MBOAT2: variants seen among roughly 807,000 people sequenced by gnomAD.
MBOAT2 encodes membrane bound glycerophospholipid O-acyltransferase 2.
A neutral mutation model predicts 63.4 loss-of-function variants in MBOAT2; 28 were observed. The ratio of observed to expected loss-of-function variants is 0.44; its 90% CI spans 0.33 to 0.61. MBOAT2 has a LOEUF of 0.61. Among genes scored for constraint, MBOAT2 ranks in the 20% least tolerant of loss-of-function variants. MBOAT2 has a pLI of 0.03. For synonymous variants in MBOAT2, 211 were observed against 215.6 expected, an observed-to-expected ratio of 0.98 and a Z score of 0.19; for missense variants, 470 against 605.8, an observed-to-expected ratio of 0.78 and a Z score of 2.35.
intron 5 of MBOAT2, among the ~76,000 whole-genome samples, chr2:8,885,193 G>A (rs1247925977): frequency 6.6e-6 from 1 of 152,176 alleles, no homozygotes; most frequent in Non-Finnish European, 1.5e-5. Context: ...TCATTTTCAT[G>A]TAAATTCGGA....
At chr2:8,900,050 T>C (rs910079259) in intron 4 of MBOAT2, among the ~76,000 whole-genome samples, 1 of 152,162 alleles carries the variant, frequency 6.6e-6, no homozygotes, top group African/African-American at 2.4e-5. Context: ...CCATAGCTGT[T>C]CAAGGAAGGC....
At chr2:8,879,439 AGTAACT>A (rs1161632967) in intron 6 of MBOAT2, among the ~76,000 whole-genome samples, 1 of 152,246 alleles carries the variant, frequency 6.6e-6, no homozygotes, top group African/African-American at 2.4e-5. Flanking sequence ...TACCGAAGTA[AGTAACT>A]GTATTTATTT....
intron 4 of MBOAT2, among the ~76,000 whole-genome samples, chr2:8,892,018 A>T (rs989476036): frequency 6.6e-6 from 1 of 152,256 alleles, no homozygotes; most frequent in African/African-American, 2.4e-5. Flanking sequence ...AAAGGATGAA[A>T]AAGTTAAAAA....
chr2:8,946,779 T>A (rs1668446750), intron 2 of MBOAT2, among the ~76,000 whole-genome samples: 1 of 152,234 alleles, frequency 6.6e-6, no homozygotes, highest in African/African-American at 2.4e-5. Context: ...GTTAGGTGTG[T>A]TCTGACTGCT....
chr2:8,998,288 G>A (rs1455379469), intron 1 of MBOAT2, among the ~76,000 whole-genome samples: 1 of 152,234 alleles, frequency 6.6e-6, no homozygotes, highest in Non-Finnish European at 1.5e-5. Context: ...TCATGATGAA[G>A]ACTAATGCTC....
At chr2:8,918,880 C>T (rs1352556572) in intron 3 of MBOAT2, among the ~76,000 whole-genome samples, 1 of 152,168 alleles carries the variant, frequency 6.6e-6, no homozygotes, top group Non-Finnish European at 1.5e-5. Context: ...GACCGCTGCC[C>T]CAAGAGTTCC....
intron 3 of MBOAT2, among the ~76,000 whole-genome samples, chr2:8,939,585 T>G (rs1667904852): frequency 6.6e-6 from 1 of 152,050 alleles, no homozygotes; most frequent in South Asian, 2.1e-4. Context: ...AGAGACACAG[T>G]CAGGCCAAAG....
intron 3 of MBOAT2, among the ~76,000 whole-genome samples, chr2:8,941,327 T>A (rs912419435): frequency 1.3e-5 from 2 of 152,178 alleles, no homozygotes; most frequent in African/African-American, 4.8e-5. Context: ...CAGTAGCATA[T>A]AAGCAAGTAG....
chr2:8,955,740 T>C (rs1669167302), intron 2 of MBOAT2, among the ~76,000 whole-genome samples: 1 of 152,248 alleles, frequency 6.6e-6, no homozygotes, highest in Non-Finnish European at 1.5e-5. Flanking sequence ...CAGCATCACA[T>C]GCTACAGAGA....
chr2:8,893,240 C>T (rs778770768), intron 4 of MBOAT2, among the ~76,000 whole-genome samples: 32 of 152,016 alleles, frequency 2.1e-4, no homozygotes, highest in Non-Finnish European at 3.5e-4. Context: ...GGTTTCATAC[C>T]TGGAACCACC....
At position 8,896,357 on chromosome 2, in the gene MBOAT2, T is replaced by G. The variant is rs185426109; in HGVS notation, c.396-8284A>C. ...TGACTGGTTAGTGTAAAAACAACAC[T>G]CTTCCCCTAAGAAGGTGCACAGTCC... On this transcript the variant is annotated intron_variant, in intron 4 of 12. Coordinates refer to ENST00000305997, the MANE Select transcript of MBOAT2 (RefSeq NM_138799.4). 3.4e-3 allele frequency among the ~76,000 whole-genome samples: 517 copies of G among 151,140 alleles called. 1 individual carries two copies. The highest frequency in any genetic ancestry group is 0.012 in the African/African-American group (481 of 41,164).
chr2:8,877,213 C>T lies in MBOAT2; in HGVS notation c.507G>A (p.Arg169=). 6.2e-7 allele frequency: 1 copy of T among 1,608,270 alleles called. No individual in the cohort carries two copies. Among genetic ancestry groups the T allele is most frequent in the Non-Finnish European group, 8.5e-7 (1 of 1,177,776 alleles). ...LTSSQRDLAV[R]RMPSLLEYLS... ...AATACTCCAGTAAGCTTGGCATGCG[C>T]CTGCAATGAAAAGACATGCAACCAG... Residue 169 remains arginine (R), a splice_region_variant and synonymous_variant, in exon 7 of 13, where the codon AGG becomes AGA. Transcript: ENST00000305997.
intron 3 of MBOAT2, among the ~76,000 whole-genome samples, chr2:8,918,225 C>T (rs2148604530): frequency 6.6e-6 from 1 of 152,296 alleles, no homozygotes; most frequent in Non-Finnish European, 1.5e-5. Flanking sequence ...TTAAATAAAA[C>T]TGATTAAGAA....
chr2:8,889,193 C>T (rs1663798360), intron 4 of MBOAT2, among the ~76,000 whole-genome samples: 1 of 152,226 alleles, frequency 6.6e-6, no homozygotes, highest in Non-Finnish European at 1.5e-5. Context: ...TTCTGACCTG[C>T]TCTCTTCCAG....
chr2:8,942,196 G>A (rs1200792938), intron 3 of MBOAT2, among the ~76,000 whole-genome samples: 2 of 152,140 alleles, frequency 1.3e-5, no homozygotes, highest in African/African-American at 2.4e-5. Context: ...TTACAACAGA[G>A]GTAGCGACTG....
chr2:8,944,775 T>C (rs1240252320), intron 2 of MBOAT2, among the ~76,000 whole-genome samples: 4 of 152,080 alleles, frequency 2.6e-5, no homozygotes, highest in African/African-American at 9.7e-5. Flanking sequence ...AGAAAGCTTT[T>C]TTAAAAAACA....
intron 4 of MBOAT2, among the ~76,000 whole-genome samples, chr2:8,891,307 G>T (rs1663979057): frequency 2.0e-5 from 3 of 152,236 alleles, no homozygotes; most frequent in Admixed American, 1.3e-4. Context: ...GAAAAGTTCA[G>T]TAAGGGATGA....
At chr2:8,963,563 A>T (rs1160431653) in intron 1 of MBOAT2, among the ~76,000 whole-genome samples, 2 of 152,190 alleles carry the variant, frequency 1.3e-5, no homozygotes, top group African/African-American at 2.4e-5. Flanking sequence ...TTGGCCTCCC[A>T]AAGTGCTGGG....
Position 8,858,852 on chromosome 2 carries a change from G to T in MBOAT2, c.1390C>A (p.Pro464Thr). Reference sequence around the variant, plus strand: ...TTTCTTCTTTGAGTTTTTTTCACTGGCAACAACAATAATACTAAGATACCA... The same window carrying T: ...TTTCTTCTTTGAGTTTTTTTCACTGTCAACAACAATAATACTAAGATACCA... ...ILGILVLLLLPVKKTQRRKNT... is the reference protein window; with the variant it reads ...ILGILVLLLLTVKKTQRRKNT... The change falls in exon 13 of 13, where the codon CCA becomes ACA. Residue 464 changes from proline to threonine, a missense_variant. Physicochemically the swap from Pro to Thr is conservative, Grantham distance 38. This residue lies in a region of MBOAT2 where 90 missense variants were observed against 84.9 expected (regional missense o/e 1.06). Transcript: ENST00000305997. 6.2e-7 allele frequency: 1 copy of T among 1,613,318 alleles called. No homozygotes were observed. Among genetic ancestry groups the T allele is most frequent in the Non-Finnish European group, 8.5e-7 (1 of 1,179,880 alleles).
Sources: gnomAD v4.1 joint callset for allele counts (sites outside exome capture counted in the v4.1 genomes callset) on GRCh38, gnomAD v4.1.1 for gene constraint, gnomAD v4.1.1 regional missense constraint, MANE v1.5 for transcripts, NCBI Gene and HGNC (gene_info 2026-07-23, HGNC 2026-07-21) for gene names.